The following NRSN2 variants were observed in gnomAD, a reference collection of about 807,000 sequenced individuals.
NRSN2 encodes the protein neurensin 2.
In NRSN2, 10 loss-of-function variants were observed where a neutral mutation model predicts 11.1. The ratio of observed to expected loss-of-function variants is 0.90; its 90% CI spans 0.56 to 1.53. The LOEUF is 1.53. NRSN2 is among the 40% of genes most tolerant of loss of function. The probability of loss-of-function intolerance (pLI) is 0.00; values close to 1 mark genes in which losing one functional copy is unlikely to be tolerated. For synonymous variants in NRSN2, 100 were observed against 117.0 expected, an observed-to-expected ratio of 0.86 and a Z score of 0.94; for missense variants, 260 against 273.7, an observed-to-expected ratio of 0.95 and a Z score of 0.35.
chr20:347,949 G>T lies in NRSN2; in HGVS notation c.-122+437G>T, dbSNP rs2013568920. Among the ~76,000 whole-genome samples, 2 of 151,954 alleles carry T rather than the reference G, an allele frequency of 1.3e-5. No homozygotes were observed. Among genetic ancestry groups the T allele is most frequent in the African/African-American group, 4.8e-5 (2 of 41,372 alleles). On this transcript the variant is annotated intron_variant, in intron 2 of 4. Transcript: ENST00000382285. This position sits in a 1 kb window ranked among gnomAD's most constrained non-coding sequence, Gnocchi z 7.0. ...CTGAAACGCCAGGCGGAGGGGCCAG[G>T]CCGAGCGGGAGGCAGCGTCAAGGTC...
At chr20:353,104 T>G (rs756479380) in intron 4 of NRSN2, 106 bp from the exon 5 acceptor site, 15 of 974,772 alleles carry the variant, frequency 1.5e-5, no homozygotes, top group Admixed American at 2.3e-5. Flanking sequence ...CTCCTGAGGA[T>G]GGATCAAGGG....
At position 347,891 on chromosome 20, in the gene NRSN2, GC is replaced by G. The variant is rs1435984097; in HGVS notation, c.-122+385del. 1.3e-5 allele frequency among the ~76,000 whole-genome samples: 2 copies of G among 151,694 alleles called. No individual in the cohort carries two copies. The highest frequency in any genetic ancestry group is 2.9e-5 in the Non-Finnish European group (2 of 67,858). The stretch of plus-strand genomic sequence containing the variant: ...CCCTCGTCCCGGGTGCCTGCGCCCC[GC>G]CCCCCGCCCGCCAGACCTACTCCGT... On this transcript the variant is annotated intron_variant, in intron 2 of 4. Coordinates refer to ENST00000382285, the MANE Select transcript of NRSN2 (RefSeq NM_001323682.2). This position sits in a 1 kb window ranked among gnomAD's most constrained non-coding sequence, Gnocchi z 7.0.
chr20:350,878 C>T (rs760197766), intron 4 of NRSN2, among the ~76,000 whole-genome samples: 12 of 152,074 alleles, frequency 7.9e-5, no homozygotes, highest in Non-Finnish European at 1.3e-4. Flanking sequence ...CCCCAAATGG[C>T]CACTACTGTG....
At chr20:351,213 G>A (rs1206048678) in intron 4 of NRSN2, among the ~76,000 whole-genome samples, 1 of 151,794 alleles carries the variant, frequency 6.6e-6, no homozygotes, top group East Asian at 1.9e-4. Flanking sequence ...TGCACAACAA[G>A]AGTGAAACTC....
intron 4 of NRSN2, 36 bp downstream of exon 4, chr20:349,868 C>T: frequency 6.4e-7 from 1 of 1,566,066 alleles, no homozygotes; most frequent in Non-Finnish European, 8.7e-7. Flanking sequence ...GATTCCTCTG[C>T]CTTGATGGAG....
At chr20:348,520 T>TGTGTGTGTG (rs1215542044) in intron 2 of NRSN2, 2 of 154,576 alleles carry the variant, frequency 1.3e-5, no homozygotes, top group East Asian at 1.9e-4. Flanking sequence ...TGTGTGTGTG[T>TGTGTGTGTG]GTGTGTGTCG....
intron 4 of NRSN2, among the ~76,000 whole-genome samples, chr20:351,093 G>A (rs554677616): frequency 7.7e-4 from 117 of 152,320 alleles, no homozygotes; most frequent in Middle Eastern, 3.4e-3. Context: ...GCTGGGTGTG[G>A]TGATGGGCGC....
chr20:353,617 G>A lies in NRSN2; in HGVS notation c.597G>A (p.Gln199=), dbSNP rs770235433. Residue 199 remains glutamine, a synonymous_variant, in exon 5 of 5, where the codon CAG becomes CAA. Transcript: ENST00000382285. ...GGCAATCTTCTGTGCAGACTATCCA[G>A]CCCAAGAGGGACTCCTGAGCTGCCC... ...PFGQSSVQTI[Q]PKRDS is the part of the protein sequence containing the mutation. 6 of 1,613,942 alleles carry A rather than the reference G, an allele frequency of 3.7e-6. No individual in the cohort carries two copies. The highest frequency in any genetic ancestry group is 5.1e-6 in the Non-Finnish European group (6 of 1,180,016).
intron 4 of NRSN2, 42 bp downstream of exon 4, chr20:349,874 T>C (rs1272238948): frequency 3.9e-6 from 6 of 1,553,096 alleles, no homozygotes; most frequent in East Asian, 4.5e-5. Context: ...TCTGCCTTGA[T>C]GGAGGAAATG....
In NRSN2 at chr20:354,568, C is replaced by G. The variant is rs886680691; in HGVS notation, c.*933C>G. ...CAAGCCCACGGTCTTGGCCGTGACC[C>G]TGATAATAAATGGGCTCTCTCAGAG... On this transcript the variant is annotated 3_prime_UTR_variant, in exon 5 of 5. Coordinates refer to ENST00000382285, the MANE Select transcript of NRSN2 (RefSeq NM_001323682.2). 2.6e-5 allele frequency: 4 copies of G among 152,398 alleles called. No homozygotes were observed. Among genetic ancestry groups the G allele is most frequent in the African/African-American group, 7.2e-5 (3 of 41,562 alleles). The allele number at this position is 152,398 out of a possible 1,614,324, so 9.4% of individuals were successfully genotyped here.
rs778618187 is a variant in NRSN2 at position 353,506 on chromosome 20, C to T, written c.486C>T (p.Phe162=). ...AAGCCGACAGCCACGTGGAGGTCTT[C>T]GGGGATGAGCCAGAGCAGCAGTTGT... ...DPEADSHVEV[F]GDEPEQQLSP... The change falls in exon 5 of 5, where the codon TTC becomes TTT. Residue 162 remains phenylalanine, a synonymous_variant. Coordinates refer to ENST00000382285, the MANE Select transcript of NRSN2 (RefSeq NM_001323682.2). The T allele has an allele frequency of 9.3e-6, 15 of 1,614,162 alleles. No homozygotes were observed. In the Admixed American group the frequency reaches 1.3e-4, roughly 14 times the overall value.
In NRSN2 at chr20:350,669, AAAAAAAAG is replaced by A. The variant is rs1284659077; in HGVS notation, c.189+844_189+851del. Among the ~76,000 whole-genome samples, 145 of 101,382 alleles carry A rather than the reference AAAAAAAAG, an allele frequency of 1.4e-3. 3 individuals carry two copies. Among genetic ancestry groups the A allele is most frequent in the African/African-American group, 5.3e-3 (102 of 19,126 alleles). The allele number at this position is 101,382 out of a possible 152,430, so 66.5% of individuals were successfully genotyped here. On this transcript the variant is annotated intron_variant, in intron 4 of 4. Coordinates refer to ENST00000382285, the MANE Select transcript of NRSN2 (RefSeq NM_001323682.2). ...CTCAAAAAAAAAAAAAAAAAAAAAA[AAAAAAAAG>A]AAAAAAGAAGGGAAAATGTTGCTCA...
In NRSN2 at chr20:353,439, G is replaced by T. The variant is rs766899468; in HGVS notation, c.419G>T (p.Gly140Val). The T allele has an allele frequency of 6.2e-7, 1 of 1,614,028 alleles. No individual in the cohort carries two copies. Among genetic ancestry groups the T allele is most frequent in the South Asian group, 1.1e-5 (1 of 91,084 alleles). The change falls in exon 5 of 5, where the codon GGC becomes GTC. Residue 140 changes from glycine (G) to valine (V), a missense_variant. By Grantham distance (109) the Gly-to-Val change is moderately radical (BLOSUM62 -3). Transcript: ENST00000382285. ...ATCTGCCTCTTCTGGGCCATGATAGGCTGGCTGAGCCAGGACACCAAGGCA... is the reference window on the plus strand; with the variant it reads ...ATCTGCCTCTTCTGGGCCATGATAGTCTGGCTGAGCCAGGACACCAAGGCA... ...LAICLFWAMI[G>V]WLSQDTKAEP...
In NRSN2 at chr20:354,526, T is replaced by C. The variant is rs1320722024; in HGVS notation, c.*891T>C. On this transcript the variant is annotated 3_prime_UTR_variant, in exon 5 of 5. Coordinates refer to ENST00000382285, the MANE Select transcript of NRSN2 (RefSeq NM_001323682.2). ...AGTGGGTTGTCTTTGCCCCTCAAAG[T>C]CCACCTACCTAGAAACCAAGCCCAC... 1 of 152,130 alleles carries C rather than the reference T, an allele frequency of 6.6e-6. No homozygotes were observed. Among genetic ancestry groups the C allele is most frequent in the Non-Finnish European group, 1.5e-5 (1 of 68,084 alleles). 9.4% of individuals were successfully genotyped at this position (152,130 alleles called of 1,614,324 possible).
chr20:349,915 A>G (rs2013794823), intron 4 of NRSN2, 83 bp downstream of exon 4: 12 of 1,374,996 alleles, frequency 8.7e-6, no homozygotes, highest in Non-Finnish European at 1.2e-5. Context: ...AGGAAAAAAG[A>G]AGAGATAGCG....
rs759537219 is a variant in NRSN2, at chr20:349,658, C to T, written c.15C>T (p.Cys5=). ...CCCAGGGGTCCATGATGCCGAGCTG[C>T]AATCGTTCCTGCAGCTGCAGCCGCG... MMPS[C]NRSCSCSRGP... Residue 5 remains cysteine (C), a synonymous_variant, in exon 4 of 5, where the codon TGC becomes TGT. Coordinates refer to ENST00000382285, the MANE Select transcript of NRSN2 (RefSeq NM_001323682.2). 5.6e-6 allele frequency: 9 copies of T among 1,611,558 alleles called. No homozygotes were observed. Among genetic ancestry groups the T allele is most frequent in the Non-Finnish European group, 7.6e-6 (9 of 1,179,404 alleles).
chr20:353,641 C>T lies in NRSN2; in HGVS notation c.*6C>T, dbSNP rs775999625. 1.9e-6 allele frequency: 3 copies of T among 1,610,522 alleles called. No individual in the cohort carries two copies. The South Asian group carries it at 3.3e-5, about 18-fold the overall frequency. ...AGCCCAAGAGGGACTCCTGAGCTGC[C>T]CACATGGCCTAAGATGTGGGTCCTG... is the stretch of plus-strand genomic sequence containing the variant. On this transcript the variant is annotated 3_prime_UTR_variant, in exon 5 of 5. Transcript: ENST00000382285.
intron 3 of NRSN2, 69 bp downstream of exon 3, chr20:349,432 G>A: frequency 2.0e-6 from 1 of 506,740 alleles, no homozygotes; most frequent in East Asian, 3.2e-5. Context: ...ACTGGGCTAA[G>A]GCCTTCAGTG....
In NRSN2 at chr20:354,829, C is replaced by T. The variant is rs2014268182; in HGVS notation, c.*1194C>T. 1 of 152,288 alleles carries T rather than the reference C, an allele frequency of 6.6e-6. No individual in the cohort carries two copies. The highest frequency in any genetic ancestry group is 2.4e-5 in the African/African-American group (1 of 41,458). The allele number at this position is 152,288 out of a possible 1,614,324, so 9.4% of individuals were successfully genotyped here. On this transcript the variant is annotated 3_prime_UTR_variant, in exon 5 of 5. Coordinates refer to ENST00000382285, the MANE Select transcript of NRSN2 (RefSeq NM_001323682.2). ...CCTCCTCATCCTGCACCCCTTCCAT[C>T]CCACCTTCCCTTTCAATAAACAGCT...
Sources: gnomAD v4.1 joint callset for allele counts (sites outside exome capture counted in the v4.1 genomes callset) on GRCh38, gnomAD v4.1.1 for gene constraint, Gnocchi (gnomAD v3.1) non-coding constraint, MANE v1.5 for transcripts, NCBI Gene and HGNC (gene_info 2026-07-23, HGNC 2026-07-21) for gene names.